SLC39A11: variants seen among roughly 807,000 people sequenced by gnomAD.
SLC39A11 encodes the protein solute carrier family 39 member 11.
SLC39A11 carries 33 observed loss-of-function variants against 36.1 expected under a neutral mutation model. The ratio of observed to expected loss-of-function variants is 0.91; its 90% CI spans 0.69 to 1.22. The LOEUF (loss-of-function observed/expected upper bound fraction) is 1.22, where lower values mean the gene tolerates loss of function less well. Among genes scored for constraint, SLC39A11 ranks in the 50% most tolerant of loss-of-function variants. The pLI is 0.00. For missense variants in SLC39A11, 432 were observed against 430.3 expected (o/e 1.00, Z -0.03); for synonymous variants, 166 against 170.3 (o/e 0.97, Z 0.20).
At chr17:72,861,688 T>TATATATATATA (rs1169877556) in intron 5 of SLC39A11, among the ~76,000 whole-genome samples, 7 of 88,800 alleles carry the variant, frequency 7.9e-5, no homozygotes, top group African/African-American at 2.7e-4. Context: ...TATATATATA[T>TATATATATATA]AAAATATATA....
intron 4 of SLC39A11, among the ~76,000 whole-genome samples, chr17:72,985,715 G>T (rs968077233): frequency 6.6e-6 from 1 of 152,102 alleles, no homozygotes; most frequent in East Asian, 1.9e-4. Context: ...ATCTGGCCAG[G>T]CCTAACTTTT....
intron 7 of SLC39A11, among the ~76,000 whole-genome samples, chr17:72,693,302 G>GA (rs35163289): frequency 0.45 from 67,529 of 149,750 alleles, 18,056 homozygotes; most frequent in South Asian, 0.63. Context: ...AAGCTGCAGG[G>GA]AACACTGACC....
At chr17:73,047,993 ATATATAT>A (rs2059372856) in intron 3 of SLC39A11, among the ~76,000 whole-genome samples, 44 of 55,000 alleles carry the variant, frequency 8.0e-4, no homozygotes, top group African/African-American at 2.5e-3. Context: ...AAAAAAAAAT[ATATATAT>A]ATATATATAT....
intron 4 of SLC39A11, among the ~76,000 whole-genome samples, chr17:72,978,742 T>C (rs538484958): frequency 1.3e-5 from 2 of 151,540 alleles, no homozygotes; most frequent in East Asian, 3.9e-4. Flanking sequence ...TGGAAAGGAG[T>C]GGACAGGATG....
Position 72,702,939 on chromosome 17 carries a change from CA to C in SLC39A11, c.671+33710del, listed in dbSNP as rs57566412. Among the ~76,000 whole-genome samples, 637 of 86,824 alleles carry C rather than the reference CA, an allele frequency of 7.3e-3. 13 individuals are homozygous for C. The highest frequency in any genetic ancestry group is 0.011 in the Non-Finnish European group (509 of 47,920). The allele number at this position is 86,824 out of a possible 152,430, so 57.0% of individuals were successfully genotyped here. ...GTGACAGAGTGAGACTCCATCTCAC[CA>C]AAAAAAAAAAAAAATGGAAGAAAGG... is the stretch of plus-strand genomic sequence containing the variant. On this transcript the variant is annotated intron_variant, in intron 7 of 9. Coordinates refer to ENST00000255559, the MANE Select transcript of SLC39A11 (RefSeq NM_139177.4).
chr17:72,688,114 C>G (rs1172322165), intron 7 of SLC39A11, among the ~76,000 whole-genome samples: 3 of 152,208 alleles, frequency 2.0e-5, no homozygotes, highest in African/African-American at 7.2e-5. Context: ...CTACGAACTT[C>G]AGGGAAGACA....
intron 4 of SLC39A11, among the ~76,000 whole-genome samples, chr17:73,013,122 T>C (rs2090613779): frequency 6.6e-6 from 1 of 151,630 alleles, no homozygotes; most frequent in Non-Finnish European, 1.5e-5. Flanking sequence ...TTTGAGACAG[T>C]CTTGCTGTCA....
At chr17:73,051,971 G>T (rs776180270) in intron 3 of SLC39A11, among the ~76,000 whole-genome samples, 1 of 151,714 alleles carries the variant, frequency 6.6e-6, no homozygotes, top group Non-Finnish European at 1.5e-5. Flanking sequence ...ATTCAGACCC[G>T]TGTCACCTCT....
intron 3 of SLC39A11, among the ~76,000 whole-genome samples, chr17:73,074,441 G>A (rs2060257208): frequency 6.6e-6 from 1 of 151,904 alleles, no homozygotes; most frequent in Non-Finnish European, 1.5e-5. Context: ...GGGATTAAAT[G>A]CGCCCACCAC....
chr17:72,929,151 C>T (rs911062838), intron 5 of SLC39A11, among the ~76,000 whole-genome samples: 2 of 152,120 alleles, frequency 1.3e-5, no homozygotes, highest in Admixed American at 6.5e-5. Context: ...ATTCAAACTC[C>T]TTGGGTCCAG....
chr17:73,026,175 G>GAA, intron 4 of SLC39A11, among the ~76,000 whole-genome samples: 1 of 38,046 alleles, frequency 2.6e-5, no homozygotes, highest in East Asian at 2.2e-3. Flanking sequence ...AGAGAGGAGA[G>GAA]GAGAAAGAGA....
intron 6 of SLC39A11, among the ~76,000 whole-genome samples, chr17:72,840,636 G>A (rs1024118728): frequency 1.3e-5 from 2 of 152,218 alleles, no homozygotes; most frequent in African/African-American, 4.8e-5. Flanking sequence ...GTGGGTGCCT[G>A]TAATCCCAGC....
intron 7 of SLC39A11, among the ~76,000 whole-genome samples, chr17:72,696,809 G>A (rs1211173130): frequency 3.9e-5 from 6 of 152,114 alleles, no homozygotes; most frequent in African/African-American, 1.4e-4. Context: ...CATTGTTACT[G>A]CCTACCATTT....
At chr17:72,952,513 A>C (rs1254070537) in intron 4 of SLC39A11, among the ~76,000 whole-genome samples, 1 of 152,160 alleles carries the variant, frequency 6.6e-6, no homozygotes, top group Non-Finnish European at 1.5e-5. Context: ...CTCACTGGGC[A>C]TGGGGACTGC....
chr17:73,008,451 C>CT (rs1409959383), intron 4 of SLC39A11, among the ~76,000 whole-genome samples: 1 of 152,226 alleles, frequency 6.6e-6, no homozygotes, highest in Non-Finnish European at 1.5e-5. Flanking sequence ...CCCAAGTGTC[C>CT]TTCCAGCTCC....
chr17:72,774,996 G>GAA (rs112345853), intron 6 of SLC39A11, among the ~76,000 whole-genome samples: 1 of 135,962 alleles, frequency 7.4e-6, no homozygotes, highest in African/African-American at 3.0e-5. Context: ...TGGCTACAAA[G>GAA]AAAAAAAAAA....
chr17:72,968,785 G>T (rs566356802), intron 4 of SLC39A11, among the ~76,000 whole-genome samples: 7 of 152,314 alleles, frequency 4.6e-5, no homozygotes, highest in Non-Finnish European at 8.8e-5. Context: ...GGCCAAGGAA[G>T]GTTCTACACA....
intron 7 of SLC39A11, among the ~76,000 whole-genome samples, chr17:72,655,942 C>G (rs994590931): frequency 6.6e-6 from 1 of 152,046 alleles, no homozygotes; most frequent in Non-Finnish European, 1.5e-5. Flanking sequence ...GGCAGCCTCC[C>G]GGGGGGCTGG....
chr17:73,087,623 G>A (rs986694228), intron 2 of SLC39A11, among the ~76,000 whole-genome samples: 2 of 152,076 alleles, frequency 1.3e-5, no homozygotes, highest in African/African-American at 4.8e-5. Context: ...GAGGGCATAT[G>A]GGTATGGGTA....
Sources: allele counts gnomAD v4.1 joint callset (sites outside exome capture counted in the v4.1 genomes callset), GRCh38; gene constraint gnomAD v4.1.1; transcripts MANE v1.5; gene names NCBI Gene and HGNC (gene_info 2026-07-23, HGNC 2026-07-21).